DSCAML1: variants seen among roughly 807,000 people sequenced by gnomAD.
The protein encoded by DSCAML1 is DS cell adhesion molecule like 1.
In DSCAML1, 38 loss-of-function variants were observed where a neutral mutation model predicts 200.5. The ratio of observed to expected loss-of-function variants is 0.19; its 90% CI spans 0.15 to 0.25. The LOEUF is 0.25. Among genes scored for constraint, DSCAML1 ranks in the 10% least tolerant of loss-of-function variants. The probability of loss-of-function intolerance (pLI) is 1.00; values close to 1 mark genes in which losing one functional copy is unlikely to be tolerated. For synonymous variants in DSCAML1, 1,215 were observed against 1,165.0 expected (o/e 1.04, Z -0.87); for missense variants, 2,223 against 2,858.8 (o/e 0.78, Z 5.07).
At chr11:117,724,190 C>T (rs1276182997) in intron 3 of DSCAML1, among the ~76,000 whole-genome samples, 1 of 151,986 alleles carries the variant, frequency 6.6e-6, no homozygotes, top group Non-Finnish European at 1.5e-5. Flanking sequence ...AATAAGCTGA[C>T]CCCAAAGGCC....
In DSCAML1 at chr11:117,469,326, A is replaced by C. The variant is rs1039522048; in HGVS notation, c.3024+584T>G. Among the ~76,000 whole-genome samples, 1 of 152,060 alleles carries C rather than the reference A, an allele frequency of 6.6e-6. No individual in the cohort carries two copies. The highest frequency in any genetic ancestry group is 1.5e-5 in the Non-Finnish European group (1 of 67,998). On this transcript the variant is annotated intron_variant, in intron 16 of 32. Coordinates refer to ENST00000651296, the MANE Select transcript of DSCAML1 (RefSeq NM_020693.4). The surrounding 1 kb of genome is among the most constrained non-coding windows in gnomAD (Gnocchi z 4.1). ...TTGGTGGTAGGGCCAGAAGATGCCC[A>C]TTTCTGAGTCCTGCTCAAGGTCATT... is the stretch of plus-strand genomic sequence containing the variant.
At position 117,518,816 on chromosome 11, in the gene DSCAML1, C is replaced by G; in HGVS notation, c.1214-54G>C. On this transcript the variant is annotated intron_variant, in intron 6 of 32. Coordinates refer to ENST00000651296, the MANE Select transcript of DSCAML1 (RefSeq NM_020693.4). The surrounding 1 kb of genome is among the most constrained non-coding windows in gnomAD (Gnocchi z 6.3). Reference sequence around the variant, plus strand: ...GTCACCAAGCCATGGAGAGACGGTCCCCCCAGCCACCCCACCTCAGCAGGG... The same window carrying G: ...GTCACCAAGCCATGGAGAGACGGTCGCCCCAGCCACCCCACCTCAGCAGGG... The G allele has an allele frequency of 6.5e-7, 1 of 1,538,550 alleles. No individual in the cohort carries two copies. Among genetic ancestry groups the G allele is most frequent in the Non-Finnish European group, 8.7e-7 (1 of 1,149,570 alleles).
intron 14 of DSCAML1, among the ~76,000 whole-genome samples, chr11:117,477,027 G>A (rs1052152770): frequency 2.0e-5 from 3 of 152,052 alleles, no homozygotes; most frequent in African/African-American, 7.2e-5. Context: ...AAATCCTCAT[G>A]GCCACCCTGA....
At chr11:117,680,306 G>T (rs1189312157) in intron 3 of DSCAML1, among the ~76,000 whole-genome samples, 1 of 152,194 alleles carries the variant, frequency 6.6e-6, no homozygotes, top group African/African-American at 2.4e-5. Flanking sequence ...CCCAAGCCTG[G>T]TGGTCCTGCT....
intron 3 of DSCAML1, among the ~76,000 whole-genome samples, chr11:117,575,199 A>T (rs916302468): frequency 3.3e-5 from 5 of 152,140 alleles, no homozygotes; most frequent in Admixed American, 3.3e-4. Flanking sequence ...TTCAAAAATA[A>T]AAAACAGAAC....
chr11:117,457,586 G>C lies in DSCAML1; in HGVS notation c.3568+1168C>G, dbSNP rs114964437. On this transcript the variant is annotated intron_variant, in intron 19 of 32. Transcript: ENST00000651296. ...GATGGGAGGATTAATGACAGGAAAA[G>C]TAGGGCAGGCAGGTTGGTAAATATT... Among the ~76,000 whole-genome samples, 430 of 152,284 alleles carry C rather than the reference G, an allele frequency of 2.8e-3. 2 individuals are homozygous for C. The highest frequency in any genetic ancestry group is 9.6e-3 in the African/African-American group (397 of 41,546).
intron 3 of DSCAML1, among the ~76,000 whole-genome samples, chr11:117,651,825 CT>C (rs1345034879): frequency 6.6e-6 from 1 of 152,060 alleles, no homozygotes; most frequent in Non-Finnish European, 1.5e-5. Flanking sequence ...CACTGCAGCC[CT>C]TCAAGACAGA....
intron 28 of DSCAML1, 50 bp from the exon 29 acceptor site, chr11:117,433,306 G>A (rs1276853163): frequency 1.8e-5 from 28 of 1,576,450 alleles, no homozygotes; most frequent in Non-Finnish European, 2.2e-5. Flanking sequence ...TAAGGGGTTG[G>A]GGAAGGGGGC....
intron 27 of DSCAML1, among the ~76,000 whole-genome samples, chr11:117,434,889 C>T (rs575339557): frequency 6.6e-6 from 1 of 152,358 alleles, no homozygotes; most frequent in South Asian, 2.1e-4. Flanking sequence ...TTCCTGAACA[C>T]AATAGGGAGC....
At chr11:117,508,776 A>G (rs1565750533) in intron 8 of DSCAML1, among the ~76,000 whole-genome samples, 1 of 152,148 alleles carries the variant, frequency 6.6e-6, no homozygotes. Context: ...GAGCCGAGAG[A>G]AAGCTAAGGG....
intron 3 of DSCAML1, among the ~76,000 whole-genome samples, chr11:117,714,822 T>C (rs2053919232): frequency 1.8e-4 from 2 of 11,356 alleles, no homozygotes; most frequent in Non-Finnish European, 2.5e-4. Context: ...AACTTCATCT[T>C]GAGGAAAAAA....
intron 32 of DSCAML1, among the ~76,000 whole-genome samples, chr11:117,429,193 T>A (rs1232725957): frequency 1.3e-5 from 2 of 152,190 alleles, no homozygotes; most frequent in Non-Finnish European, 2.9e-5. Context: ...GATGTCCTAA[T>A]GGCTCTGGCT....
intron 11 of DSCAML1, among the ~76,000 whole-genome samples, chr11:117,491,137 A>G (rs563651278): frequency 4.1e-4 from 63 of 152,328 alleles, no homozygotes; most frequent in African/African-American, 1.3e-3. Context: ...TGAGAATGCC[A>G]CGGGCTGCCG....
intron 1 of DSCAML1, among the ~76,000 whole-genome samples, chr11:117,784,372 C>A (rs1312218455): frequency 6.6e-6 from 1 of 152,146 alleles, no homozygotes; most frequent in Non-Finnish European, 1.5e-5. Context: ...CCTCGCCCTG[C>A]CTGCCAAGGG....
At chr11:117,688,549 C>G (rs188692270) in intron 3 of DSCAML1, among the ~76,000 whole-genome samples, 66 of 152,270 alleles carry the variant, frequency 4.3e-4, no homozygotes, top group African/African-American at 1.5e-3. Flanking sequence ...TTAAGGGAGG[C>G]AGGAAGAACA....
At chr11:117,572,906 G>A (rs996381404) in intron 3 of DSCAML1, among the ~76,000 whole-genome samples, 2 of 152,174 alleles carry the variant, frequency 1.3e-5, no homozygotes, top group Non-Finnish European at 2.9e-5. Context: ...GCATCGCCCG[G>A]GGGCAGAGGG....
At chr11:117,806,284 G>C (rs2055706767) in intron 1 of DSCAML1, among the ~76,000 whole-genome samples, 1 of 152,158 alleles carries the variant, frequency 6.6e-6, no homozygotes, top group South Asian at 2.1e-4. Flanking sequence ...CAATGGGAAG[G>C]ATATGCAGAG....
At chr11:117,657,839 C>T (rs1195398633) in intron 3 of DSCAML1, among the ~76,000 whole-genome samples, 1 of 152,160 alleles carries the variant, frequency 6.6e-6, no homozygotes, top group African/African-American at 2.4e-5. Flanking sequence ...CTGCTATGCT[C>T]TTCTTCCACA....
At chr11:117,683,149 C>T (rs1245730010) in intron 3 of DSCAML1, among the ~76,000 whole-genome samples, 1 of 152,200 alleles carries the variant, frequency 6.6e-6, no homozygotes, top group East Asian at 1.9e-4. Flanking sequence ...TTGTATCTTA[C>T]CCTGCTCCAA....
Sources: gnomAD v4.1 joint callset for allele counts (sites outside exome capture counted in the v4.1 genomes callset) on GRCh38, gnomAD v4.1.1 for gene constraint, Gnocchi (gnomAD v3.1) non-coding constraint, MANE v1.5 for transcripts, NCBI Gene and HGNC (gene_info 2026-07-23, HGNC 2026-07-21) for gene names.